The following SGK1 variants were observed in gnomAD, a reference collection of about 807,000 sequenced individuals.
SGK1 encodes the protein serum/glucocorticoid regulated kinase 1.
A neutral mutation model predicts 64.2 loss-of-function variants in SGK1; 26 were observed. The observed-to-expected ratio is 0.40, with a 90% confidence interval of 0.30 to 0.56. The LOEUF (loss-of-function observed/expected upper bound fraction) is 0.56. Ranked by LOEUF, SGK1 falls within the 20% of genes least tolerant of loss-of-function variation. The probability of loss-of-function intolerance (pLI) is 0.38; values close to 1 mark genes in which losing one functional copy is unlikely to be tolerated. For missense variants in SGK1, 519 were observed against 645.6 expected (o/e 0.80, Z 2.12); for synonymous variants, 265 against 239.7 (o/e 1.11, Z -0.98).
chr6:134,237,631 T>C (rs537022960), intron 2 of SGK1, among the ~76,000 whole-genome samples: 28 of 152,276 alleles, frequency 1.8e-4, no homozygotes, highest in African/African-American at 6.7e-4. Context: ...TGAGCCAAGA[T>C]CGTGCCACTG....
intron 3 of SGK1, chr6:134,177,702 G>A (rs1272398025): frequency 1.5e-5 from 25 of 1,613,844 alleles, no homozygotes; most frequent in Non-Finnish European, 1.9e-5. Context: ...TTCATTCTTC[G>A]GGTTGCCCAA....
At chr6:134,305,241 C>CT (rs1182926200) in intron 1 of SGK1, among the ~76,000 whole-genome samples, 2 of 151,816 alleles carry the variant, frequency 1.3e-5, no homozygotes, top group Admixed American at 1.3e-4. Flanking sequence ...TGCTTGTAGG[C>CT]CCACCTACTC....
At chr6:134,258,765 G>T (rs944884946) in intron 2 of SGK1, among the ~76,000 whole-genome samples, 15 of 151,938 alleles carry the variant, frequency 9.9e-5, no homozygotes, top group African/African-American at 3.6e-4. Flanking sequence ...CCCAAGCGGG[G>T]GCAGATCTCT....
intron 1 of SGK1, among the ~76,000 whole-genome samples, chr6:134,311,288 T>C (rs1357291841): frequency 6.6e-6 from 1 of 152,208 alleles, no homozygotes. Context: ...ATTCTTTTAT[T>C]CAACAAATAT....
chr6:134,224,968 T>C (rs1763498), intron 2 of SGK1, among the ~76,000 whole-genome samples: 115,577 of 141,132 alleles, frequency 0.82, 47,777 homozygotes, highest in East Asian at 0.98. Flanking sequence ...TGCAGTGAGC[T>C]GAGATGGTGA....
At chr6:134,284,014 C>G (rs1439734705) in intron 1 of SGK1, among the ~76,000 whole-genome samples, 2 of 150,666 alleles carry the variant, frequency 1.3e-5, no homozygotes, top group Admixed American at 1.3e-4. Context: ...AATTTTATTT[C>G]CAGTTTGGTG....
At chr6:134,187,485 A>G (rs1775443371) in intron 3 of SGK1, among the ~76,000 whole-genome samples, 1 of 152,192 alleles carries the variant, frequency 6.6e-6, no homozygotes, top group Admixed American at 6.5e-5. Context: ...AAGCAGCACC[A>G]TATACTGGAT....
intron 3 of SGK1, among the ~76,000 whole-genome samples, chr6:134,203,851 G>A (rs1775724501): frequency 6.6e-6 from 1 of 152,088 alleles, no homozygotes; most frequent in Non-Finnish European, 1.5e-5. Context: ...ATCACCTGAG[G>A]TCAGGAGTTA....
At chr6:134,296,334 G>A (rs1034053898) in intron 1 of SGK1, among the ~76,000 whole-genome samples, 1 of 152,086 alleles carries the variant, frequency 6.6e-6, no homozygotes, top group Non-Finnish European at 1.5e-5. Context: ...GTGCAGTGGG[G>A]CAATTTTAGC....
intron 3 of SGK1, among the ~76,000 whole-genome samples, chr6:134,202,327 G>A (rs1456082018): frequency 6.6e-6 from 1 of 152,120 alleles, no homozygotes; most frequent in Non-Finnish European, 1.5e-5. Flanking sequence ...AGAAAACTAA[G>A]ATATTTCACT....
chr6:134,171,592 T>C (rs1775027748), intron 11 of SGK1, 45 bp downstream of exon 11: 2 of 1,367,300 alleles, frequency 1.5e-6, no homozygotes, highest in Non-Finnish European at 2.1e-6. Flanking sequence ...AAGGCAATAT[T>C]GTAGGGAGCA....
At chr6:134,294,705 T>G (rs1302172818) in intron 1 of SGK1, among the ~76,000 whole-genome samples, 1 of 151,980 alleles carries the variant, frequency 6.6e-6, no homozygotes, top group Non-Finnish European at 1.5e-5. Flanking sequence ...AACCAGCTAA[T>G]TTTTGTATTT....
chr6:134,181,107 TC>T (rs1295074851), intron 3 of SGK1, among the ~76,000 whole-genome samples: 1 of 152,066 alleles, frequency 6.6e-6, no homozygotes, highest in Non-Finnish European at 1.5e-5. Context: ...GGCATCTACT[TC>T]CCCCACAAGT....
At chr6:134,308,363 C>A (rs751989396) in intron 1 of SGK1, among the ~76,000 whole-genome samples, 5 of 152,200 alleles carry the variant, frequency 3.3e-5, no homozygotes, top group Non-Finnish European at 7.3e-5. Context: ...GGACTTGAGT[C>A]TAAATATGTT....
chr6:134,201,657 C>T lies in SGK1; in HGVS notation c.361+5699G>A, dbSNP rs148194726. On this transcript the variant is annotated intron_variant, in intron 3 of 13. Coordinates refer to ENST00000367858, the MANE Select transcript of SGK1 (RefSeq NM_001143676.3). ...GATTACAGGTGTGAGCCACCACACC[C>T]GACCTATTATTTCTTGTATTATTAA... Among the ~76,000 whole-genome samples the T allele has an allele frequency of 2.4e-3, 366 of 152,172 alleles. 2 individuals are homozygous for T. The highest frequency in any genetic ancestry group is 7.1e-3 in the African/African-American group (296 of 41,528).
Position 134,170,284 on chromosome 6 carries a change from G to A in SGK1, c.1565C>T (p.Thr522Met), listed in dbSNP as rs144542860. 8.8e-4 allele frequency: 1,417 copies of A among 1,612,992 alleles called. 18 individuals carry two copies. The South Asian group carries it at 0.014, about 16-fold the overall frequency. The change falls in exon 14 of 14, where the codon ACG (threonine) becomes ATG (methionine). Residue 522 changes from threonine (T) to methionine (M), a missense_variant. By Grantham distance (81) the Thr-to-Met change is moderately conservative. Around this residue, in one of 2 missense-constraint regions of SGK1, gnomAD observed 278 missense variants for 408.7 expected, o/e 0.68. Transcript: ENST00000367858. The part of the protein sequence containing the change: ...AFLGFSYAPP[T>M]DSFL ...TAACAGGGTTCAGAGGAAAGAGTCC[G>A]TGGGAGGCGCATAGGAAAAGCCTAG... is the stretch of plus-strand genomic sequence containing the variant.
At chr6:134,235,187 C>G (rs1378700662) in intron 2 of SGK1, among the ~76,000 whole-genome samples, 2 of 152,058 alleles carry the variant, frequency 1.3e-5, no homozygotes, top group South Asian at 4.1e-4. Flanking sequence ...AAATAAGATG[C>G]AGGTGGAGGT....
At chr6:134,211,805 C>G (rs2114691065) in intron 2 of SGK1, among the ~76,000 whole-genome samples, 1 of 147,396 alleles carries the variant, frequency 6.8e-6, no homozygotes, top group East Asian at 2.1e-4. Flanking sequence ...ACCCGGGAGA[C>G]TGAGGTTGCA....
chr6:134,181,748 C>T (rs942688692), intron 3 of SGK1, among the ~76,000 whole-genome samples: 1 of 152,136 alleles, frequency 6.6e-6, no homozygotes, highest in African/African-American at 2.4e-5. Context: ...ACTCTGTGTG[C>T]CAGTTGTAAC....
Sources: gnomAD v4.1 joint callset for allele counts (sites outside exome capture counted in the v4.1 genomes callset) on GRCh38, gnomAD v4.1.1 for gene constraint, gnomAD v4.1.1 regional missense constraint, MANE v1.5 for transcripts, NCBI Gene and HGNC (gene_info 2026-07-23, HGNC 2026-07-21) for gene names.